The following TUSC3 variants were observed in gnomAD, a reference collection of about 807,000 sequenced individuals.
TUSC3 encodes the protein dolichyl-diphosphooligosaccharide--protein glycosyltransferase subunit TUSC3.
Under a neutral mutation model 44.8 loss-of-function variants are expected in TUSC3, and 45 were observed. That is an observed-to-expected ratio of 1.00 (90% CI 0.79 to 1.29). The LOEUF is 1.29. Ranked by LOEUF, TUSC3 falls within the 50% of genes most tolerant of loss-of-function variation. The probability of loss-of-function intolerance (pLI) is 0.00; values close to 1 mark genes in which losing one functional copy is unlikely to be tolerated. For missense variants in TUSC3, 519 were observed against 437.9 expected, an observed-to-expected ratio of 1.19 and a Z score of -1.65; for synonymous variants, 212 against 152.9, an observed-to-expected ratio of 1.39 and a Z score of -2.85.
the TUSC3 span, among the ~76,000 whole-genome samples, chr8:15,780,560 C>T: frequency 6.6e-6 from 1 of 152,188 alleles, no homozygotes; most frequent in African/African-American, 2.4e-5. Context: ...AAGGCACTTG[C>T]CAGCATACTC....
intron 1 of TUSC3, among the ~76,000 whole-genome samples, chr8:15,563,144 G>T (rs1802539657): frequency 6.6e-6 from 1 of 152,054 alleles, no homozygotes; most frequent in Non-Finnish European, 1.5e-5. Flanking sequence ...CAATGTATGG[G>T]ACAGTATTAT....
chr8:15,716,148 C>T (rs1810049171), intron 6 of TUSC3, among the ~76,000 whole-genome samples: 1 of 151,938 alleles, frequency 6.6e-6, no homozygotes, highest in South Asian at 2.1e-4. Context: ...CCCAGTTACT[C>T]GGGAGGCTGA....
At chr8:15,628,316 A>G (rs1400059765) in intron 2 of TUSC3, among the ~76,000 whole-genome samples, 2 of 152,210 alleles carry the variant, frequency 1.3e-5, no homozygotes, top group East Asian at 1.9e-4. Context: ...ATACTGTTAA[A>G]TGGTGCATTC....
At chr8:15,689,040 GA>G in intron 6 of TUSC3, 1 of 309,738 alleles carries the variant, frequency 3.2e-6, no homozygotes, top group Non-Finnish European at 6.4e-6. Context: ...AGTGCAGGGG[GA>G]TGACTCGTCA....
Position 15,534,364 on chromosome 8 carries a change from C to A in TUSC3, n.189+50881C>A, listed in dbSNP as rs187166314. On this transcript the variant is annotated intron_variant and non_coding_transcript_variant, in intron 2 of 5. Coordinates refer to the TUSC3 transcript ENST00000503191. ...ATATCTGATAAAAACTTTAGCCGGG[C>A]TGGGCGCGGTGACGCACACCTGTAA... Among the ~76,000 whole-genome samples, 1,190 of 152,240 alleles carry A rather than the reference C, an allele frequency of 7.8e-3. 12 individuals are homozygous for A. The highest frequency in any genetic ancestry group is 0.013 in the Non-Finnish European group (862 of 68,024).
chr8:15,551,271 T>A (rs560478255), intron 1 of TUSC3, among the ~76,000 whole-genome samples: 1 of 151,854 alleles, frequency 6.6e-6, no homozygotes, highest in South Asian at 2.1e-4. Context: ...GAGTAGACTT[T>A]TAGATCCTTT....
intron 2 of TUSC3, among the ~76,000 whole-genome samples, chr8:15,497,907 C>T (rs1486531460): frequency 6.6e-6 from 1 of 151,944 alleles, no homozygotes; most frequent in African/African-American, 2.4e-5. Context: ...TGCCACCATG[C>T]CCAGCTAATT....
chr8:15,771,802 A>AGAAAGGCCGGGCACGGT, the TUSC3 span, among the ~76,000 whole-genome samples: 1 of 152,104 alleles, frequency 6.6e-6, no homozygotes, highest in African/African-American at 2.4e-5. Context: ...AAAAAAAAGA[A>AGAAAGGCCGGGCACGGT]GAAAGGCCGG....
At chr8:15,444,928 G>T (rs575537873) in intron 1 of TUSC3, among the ~76,000 whole-genome samples, 1 of 152,172 alleles carries the variant, frequency 6.6e-6, no homozygotes, top group East Asian at 1.9e-4. Flanking sequence ...AGAGCAGAGC[G>T]CTGGTGCTGT....
chr8:15,461,109 T>G (rs1298318711), intron 1 of TUSC3, among the ~76,000 whole-genome samples: 1 of 151,346 alleles, frequency 6.6e-6, no homozygotes, highest in Non-Finnish European at 1.5e-5. Flanking sequence ...ATGTGTAGAT[T>G]GCCTTTGGCA....
intron 1 of TUSC3, among the ~76,000 whole-genome samples, chr8:15,448,889 C>A (rs973949673): frequency 7.9e-5 from 12 of 152,058 alleles, no homozygotes; most frequent in African/African-American, 2.9e-4. Flanking sequence ...ATTTCTATCA[C>A]CTAGTGACGT....
At chr8:15,720,201 T>TATATACACAC (rs369753796) in intron 6 of TUSC3, among the ~76,000 whole-genome samples, 58 of 141,602 alleles carry the variant, frequency 4.1e-4, no homozygotes, top group African/African-American at 1.5e-3. Flanking sequence ...TATATATATA[T>TATATACACAC]ACACACACAC....
At chr8:15,462,745 T>G (rs2129122059) in intron 1 of TUSC3, among the ~76,000 whole-genome samples, 1 of 152,238 alleles carries the variant, frequency 6.6e-6, no homozygotes, top group African/African-American at 2.4e-5. Flanking sequence ...GACAATTTAC[T>G]TTTGCACCAG....
At chr8:15,435,305 C>G (rs911306427) in intron 1 of TUSC3, among the ~76,000 whole-genome samples, 2 of 152,058 alleles carry the variant, frequency 1.3e-5, no homozygotes, top group African/African-American at 2.4e-5. Context: ...AGCATTTTTT[C>G]ATGTGTCTTT....
intron 2 of TUSC3, among the ~76,000 whole-genome samples, chr8:15,533,158 C>T (rs759312249): frequency 5.9e-5 from 9 of 152,144 alleles, no homozygotes; most frequent in African/African-American, 1.4e-4. Flanking sequence ...CCACCATCCA[C>T]GTAAGATGTG....
At chr8:15,712,043 C>T (rs1379860052) in intron 6 of TUSC3, among the ~76,000 whole-genome samples, 7 of 151,774 alleles carry the variant, frequency 4.6e-5, no homozygotes, top group Admixed American at 4.0e-4. Flanking sequence ...AATTGCTGTG[C>T]ACAGTTTCGT....
intron 1 of TUSC3, among the ~76,000 whole-genome samples, chr8:15,591,405 A>C (rs1302252658): frequency 6.6e-6 from 1 of 152,180 alleles, no homozygotes; most frequent in Admixed American, 6.5e-5. Flanking sequence ...TAATCTATTC[A>C]TTTATTAATT....
At chr8:15,638,781 C>G (rs1158773987) in intron 2 of TUSC3, among the ~76,000 whole-genome samples, 3 of 152,188 alleles carry the variant, frequency 2.0e-5, no homozygotes, top group African/African-American at 7.2e-5. Flanking sequence ...CTGCCTTGGC[C>G]TCCCAAAGTG....
the TUSC3 span, among the ~76,000 whole-genome samples, chr8:15,803,125 G>A: frequency 6.6e-6 from 1 of 152,058 alleles, no homozygotes; most frequent in African/African-American, 2.4e-5. Context: ...TCATAATGTT[G>A]GTCATCATAA....
Sources: gnomAD v4.1 joint callset for allele counts (sites outside exome capture counted in the v4.1 genomes callset) on GRCh38, gnomAD v4.1.1 for gene constraint, MANE v1.5 for transcripts, NCBI Gene and HGNC (gene_info 2026-07-23, HGNC 2026-07-21) for gene names.